Variants in GLMN observed in about 807,000 individuals in gnomAD.
GLMN encodes the protein glomulin.
GLMN carries 75 observed loss-of-function variants against 87.8 expected under a neutral mutation model. The ratio of observed to expected loss-of-function variants is 0.85; its 90% confidence interval spans 0.71 to 1.04. The LOEUF (loss-of-function observed/expected upper bound fraction) is 1.04. GLMN is among the 50% of genes least tolerant of loss of function. The pLI, the probability that GLMN is intolerant of heterozygous loss-of-function variation, is 0.00. For synonymous variants in GLMN, 206 were observed against 221.6 expected, an observed-to-expected ratio of 0.93 and a Z score of 0.63; for missense variants, 588 against 658.8, an observed-to-expected ratio of 0.89 and a Z score of 1.18.
chr1:92,334,520 G>A, the GLMN span, among the ~76,000 whole-genome samples: 1 of 152,028 alleles, frequency 6.6e-6, no homozygotes, highest in Non-Finnish European at 1.5e-5. Context: ...ATGACATGAC[G>A]ACAGGGATTT....
the GLMN span, among the ~76,000 whole-genome samples, chr1:92,325,895 G>A: frequency 6.6e-6 from 1 of 151,784 alleles, no homozygotes; most frequent in East Asian, 1.9e-4. Context: ...TTTTATTGCT[G>A]TATAGTATTC....
At chr1:92,356,756 A>G in the GLMN span, among the ~76,000 whole-genome samples, 1 of 151,184 alleles carries the variant, frequency 6.6e-6, no homozygotes, top group Non-Finnish European at 1.5e-5. Flanking sequence ...TTTATTCTCT[A>G]CTTTTTTTGT....
the GLMN span, among the ~76,000 whole-genome samples, chr1:92,323,063 T>TCA: frequency 6.8e-6 from 1 of 146,212 alleles, no homozygotes; most frequent in African/African-American, 2.5e-5. Context: ...TATATATACT[T>TCA]TATATATATA....
the GLMN span, among the ~76,000 whole-genome samples, chr1:92,310,171 A>G: frequency 6.6e-6 from 1 of 152,228 alleles, no homozygotes; most frequent in South Asian, 2.1e-4. Flanking sequence ...TATATATAAC[A>G]CTTGTCAGTG....
intron 2 of GLMN, 37 bp from the exon 3 acceptor site, chr1:92,297,566 A>C (rs751213649): frequency 3.3e-6 from 5 of 1,519,364 alleles, no homozygotes; most frequent in Non-Finnish European, 4.5e-6. Flanking sequence ...AACAAACAAA[A>C]AAAAGTATAT....
intron 7 of GLMN, among the ~76,000 whole-genome samples, chr1:92,279,589 C>T (rs1368771444): frequency 6.6e-6 from 1 of 152,064 alleles, no homozygotes; most frequent in African/African-American, 2.4e-5. Flanking sequence ...CCTGGTTCAC[C>T]TCACTGGGAC....
At position 92,291,465 on chromosome 1, in the gene GLMN, C is replaced by A. The variant is rs764232757; in HGVS notation, c.238G>T (p.Asp80Tyr). Reference sequence around the variant, plus strand: ...AAAAAATAAACTTTTCTTTTACTATCCTCTTTATCTTTACACAAAAGGCAT... The same window carrying A: ...AAAAAATAAACTTTTCTTTTACTATACTCTTTATCTTTACACAAAAGGCAT... ...VRCLLCKDKE[D>Y]SKRKVYFLIF... The change falls in exon 4 of 19, where the codon GAT (aspartate) becomes TAT (tyrosine). Residue 80 changes from aspartate to tyrosine, a missense_variant. Transcript: ENST00000370360. The A allele has an allele frequency of 6.3e-7, 1 of 1,599,772 alleles. No homozygotes were observed. Among genetic ancestry groups the A allele is most frequent in the Admixed American group, 1.7e-5 (1 of 59,994 alleles).
chr1:92,309,360 T>C, the GLMN span, among the ~76,000 whole-genome samples: 2 of 150,932 alleles, frequency 1.3e-5, no homozygotes, highest in African/African-American at 2.4e-5. Flanking sequence ...GAGAATTGCT[T>C]GAACCTGGGA....
At chr1:92,285,744 A>G (rs1648674359) in intron 7 of GLMN, among the ~76,000 whole-genome samples, 1 of 152,330 alleles carries the variant, frequency 6.6e-6, no homozygotes, top group East Asian at 1.9e-4. Flanking sequence ...GCACTCATGT[A>G]GCTGAACATG....
At chr1:92,268,654 G>A (rs1655912880) in intron 9 of GLMN, among the ~76,000 whole-genome samples, 1 of 152,134 alleles carries the variant, frequency 6.6e-6, no homozygotes, top group Non-Finnish European at 1.5e-5. Context: ...AACTACTTGT[G>A]CCAGGAGACC....
chr1:92,360,970 T>A, the GLMN span, among the ~76,000 whole-genome samples: 1 of 151,968 alleles, frequency 6.6e-6, no homozygotes, highest in African/African-American at 2.4e-5. Flanking sequence ...GTGACTAACC[T>A]TTATTTTCTC....
chr1:92,360,431 G>A, the GLMN span, among the ~76,000 whole-genome samples: 1 of 152,128 alleles, frequency 6.6e-6, no homozygotes, highest in South Asian at 2.1e-4. Flanking sequence ...TCTTATGGTT[G>A]GCAAAAGCAG....
chr1:92,317,038 G>A, the GLMN span, among the ~76,000 whole-genome samples: 37 of 152,260 alleles, frequency 2.4e-4, no homozygotes, highest in Non-Finnish European at 4.6e-4. Flanking sequence ...CCTGTGAAAG[G>A]GATTAAGCAA....
At chr1:92,331,621 T>C in the GLMN span, among the ~76,000 whole-genome samples, 1 of 152,306 alleles carries the variant, frequency 6.6e-6, no homozygotes, top group Middle Eastern at 3.4e-3. Flanking sequence ...ACTCCATCTA[T>C]CCCTCTTGAC....
At chr1:92,279,474 A>AG (rs1003035605) in intron 7 of GLMN, among the ~76,000 whole-genome samples, 3 of 146,330 alleles carry the variant, frequency 2.1e-5, no homozygotes, top group Non-Finnish European at 4.5e-5. Context: ...AAAAAAAAAA[A>AG]AAAGGAGTCA....
chr1:92,367,344 G>A, the GLMN span, among the ~76,000 whole-genome samples: 3 of 152,126 alleles, frequency 2.0e-5, no homozygotes, highest in African/African-American at 7.2e-5. Context: ...ATCCCAGACG[G>A]CTTTTGCGTT....
intron 15 of GLMN, 89 bp downstream of exon 15, chr1:92,263,534 A>C: frequency 1.3e-6 from 1 of 781,266 alleles, no homozygotes; most frequent in Non-Finnish European, 2.4e-6. Flanking sequence ...ATCACAGGAA[A>C]AGACATTTTA....
At chr1:92,324,523 C>A in the GLMN span, 2 of 638,752 alleles carry the variant, frequency 3.1e-6, no homozygotes, top group Non-Finnish European at 2.7e-6. Flanking sequence ...GTTTACAGTG[C>A]CATCTCCACT....
the GLMN span, among the ~76,000 whole-genome samples, chr1:92,310,756 G>C: frequency 6.6e-6 from 1 of 152,060 alleles, no homozygotes; most frequent in African/African-American, 2.4e-5. Context: ...AATTAGCCAG[G>C]AGTGCTGGAA....
Sources: allele counts gnomAD v4.1 joint callset (sites outside exome capture counted in the v4.1 genomes callset), GRCh38; gene constraint gnomAD v4.1.1; transcripts MANE v1.5; gene names NCBI Gene and HGNC (gene_info 2026-07-23, HGNC 2026-07-21).